The following TMEFF2 variants were observed in gnomAD, a reference collection of about 807,000 sequenced individuals.
TMEFF2 encodes tomoregulin-2.
Under a neutral mutation model 53.8 loss-of-function variants are expected in TMEFF2, and 28 were observed. The ratio of observed to expected loss-of-function variants is 0.52; its 90% confidence interval spans 0.39 to 0.71. The LOEUF (loss-of-function observed/expected upper bound fraction) is 0.71, where lower values mean the gene tolerates loss of function less well. Ranked by LOEUF, TMEFF2 falls within the 30% of genes least tolerant of loss-of-function variation. The pLI, the probability that TMEFF2 is intolerant of heterozygous loss-of-function variation, is 0.00. For synonymous variants in TMEFF2, 162 were observed against 166.3 expected, an observed-to-expected ratio of 0.97 and a Z score of 0.20; for missense variants, 353 against 455.2, an observed-to-expected ratio of 0.78 and a Z score of 2.04.
At chr2:192,114,739 T>C (rs1689360992) in intron 4 of TMEFF2, among the ~76,000 whole-genome samples, 1 of 151,938 alleles carries the variant, frequency 6.6e-6, no homozygotes, top group South Asian at 2.1e-4. Flanking sequence ...GTAAAAGTTC[T>C]ATATACTGAA....
At chr2:191,952,979 G>T (rs528143825) in intron 9 of TMEFF2, among the ~76,000 whole-genome samples, 2 of 152,256 alleles carry the variant, frequency 1.3e-5, no homozygotes, top group Admixed American at 6.5e-5. Flanking sequence ...TAAATGATAC[G>T]CATTTTGCTT....
At chr2:192,019,234 G>A (rs1303977135) in intron 5 of TMEFF2, among the ~76,000 whole-genome samples, 2 of 150,988 alleles carry the variant, frequency 1.3e-5, no homozygotes, top group Non-Finnish European at 3.0e-5. Flanking sequence ...TTTTTAACTT[G>A]TACTATCAGA....
At chr2:191,959,506 G>A (rs1692208171) in intron 7 of TMEFF2, among the ~76,000 whole-genome samples, 1 of 152,208 alleles carries the variant, frequency 6.6e-6, no homozygotes, top group South Asian at 2.1e-4. Flanking sequence ...TAAAGAGACA[G>A]AGAATGGCAA....
At chr2:191,993,415 T>G (rs1686151159) in intron 7 of TMEFF2, among the ~76,000 whole-genome samples, 1 of 151,962 alleles carries the variant, frequency 6.6e-6, no homozygotes, top group Admixed American at 6.6e-5. Flanking sequence ...GTTCAACAAG[T>G]AAACACAGGA....
At chr2:192,164,978 CTGTGTGTGTGTG>C (rs71033662) in intron 4 of TMEFF2, among the ~76,000 whole-genome samples, 1 of 145,112 alleles carries the variant, frequency 6.9e-6, no homozygotes, top group Non-Finnish European at 1.5e-5. Flanking sequence ...TGAATAAAAA[CTGTGTGTGTGTG>C]TGTGTGTGTG....
At chr2:191,964,477 A>C (rs1692415026) in intron 7 of TMEFF2, among the ~76,000 whole-genome samples, 1 of 148,054 alleles carries the variant, frequency 6.8e-6, no homozygotes, top group Non-Finnish European at 1.5e-5. Context: ...CCAATCCCTC[A>C]TGAATCTCAA....
intron 4 of TMEFF2, among the ~76,000 whole-genome samples, chr2:192,067,748 A>C (rs568352388): frequency 9.9e-5 from 15 of 152,012 alleles, no homozygotes; most frequent in Admixed American, 2.6e-4. Flanking sequence ...TTGCCAATTG[A>C]GTTAACTTTA....
chr2:192,140,648 G>A (rs1425260063), intron 4 of TMEFF2, among the ~76,000 whole-genome samples: 1 of 152,052 alleles, frequency 6.6e-6, no homozygotes, highest in Non-Finnish European at 1.5e-5. Flanking sequence ...TGCTGAGGGT[G>A]AGCACCGTAT....
rs953586369 is a variant in TMEFF2, at chr2:192,103,967, G to A, written c.440-46192C>T. 3.3e-5 allele frequency among the ~76,000 whole-genome samples: 5 copies of A among 151,884 alleles called. 1 individual carries two copies. The highest frequency in any genetic ancestry group is 1.2e-4 in the African/African-American group (5 of 41,356). ...CTTTGGCATTTACTCTGAGCAAGAT[G>A]GAAAAGCCACCGGGAGTTTTGAGAG... On this transcript the variant is annotated intron_variant, in intron 4 of 9. Coordinates refer to ENST00000272771, the MANE Select transcript of TMEFF2 (RefSeq NM_016192.4).
rs895652404 is a variant in TMEFF2, at chr2:192,131,518, C to T, written c.439+48150G>A. Among the ~76,000 whole-genome samples, 19 of 152,206 alleles carry T rather than the reference C, an allele frequency of 1.2e-4. 1 individual carries two copies. The highest frequency in any genetic ancestry group is 6.8e-3 in the Middle Eastern group (2 of 294). ...CCCCCAATCCCTTATTTCCGCACCCCGACCTCTTATCTCTGTGCCCCAATC... is the reference window on the plus strand; with the variant it reads ...CCCCCAATCCCTTATTTCCGCACCCTGACCTCTTATCTCTGTGCCCCAATC... On this transcript the variant is annotated intron_variant, in intron 4 of 9. Transcript: ENST00000272771.
chr2:191,955,539 T>TTTTTTTTTTTA (rs1692052495), intron 8 of TMEFF2, among the ~76,000 whole-genome samples: 1 of 137,484 alleles, frequency 7.3e-6, no homozygotes, highest in Non-Finnish European at 1.6e-5. Flanking sequence ...TTTTTTTTTT[T>TTTTTTTTTTTA]TTTTTTTTTA....
At chr2:192,041,359 T>C (rs965809471) in intron 5 of TMEFF2, among the ~76,000 whole-genome samples, 2 of 152,070 alleles carry the variant, frequency 1.3e-5, no homozygotes, top group African/African-American at 4.8e-5. Context: ...AATATACAAA[T>C]AAAAAGAGAC....
intron 4 of TMEFF2, among the ~76,000 whole-genome samples, chr2:192,074,578 C>T (rs574085192): frequency 2.7e-3 from 412 of 151,910 alleles, no homozygotes; most frequent in Non-Finnish European, 4.9e-3. Context: ...TTTTCCAACA[C>T]GGAAGCTAGT....
intron 4 of TMEFF2, among the ~76,000 whole-genome samples, chr2:192,069,529 C>CA (rs570530572): frequency 1.9e-4 from 29 of 150,470 alleles, no homozygotes; most frequent in East Asian, 1.8e-3. Context: ...GAAAACAAAC[C>CA]AAAAAAAACC....
intron 5 of TMEFF2, among the ~76,000 whole-genome samples, chr2:192,021,323 T>TC (rs1326872980): frequency 2.0e-5 from 3 of 151,962 alleles, no homozygotes; most frequent in African/African-American, 7.3e-5. Context: ...GAGTACTTTC[T>TC]CCCTTTAGAT....
intron 7 of TMEFF2, among the ~76,000 whole-genome samples, chr2:191,983,922 ATTGT>A (rs1685915303): frequency 2.0e-5 from 3 of 152,198 alleles, no homozygotes; most frequent in South Asian, 2.1e-4. Context: ...CAAGAATAAT[ATTGT>A]TTGTTCAGCT....
At chr2:192,141,200 C>A (rs771158063) in intron 4 of TMEFF2, among the ~76,000 whole-genome samples, 14 of 152,060 alleles carry the variant, frequency 9.2e-5, no homozygotes, top group Non-Finnish European at 1.9e-4. Flanking sequence ...CGGCTATAAT[C>A]CTAGCACTCT....
At chr2:192,038,341 A>G (rs1210366354) in intron 5 of TMEFF2, among the ~76,000 whole-genome samples, 2 of 152,204 alleles carry the variant, frequency 1.3e-5, no homozygotes, top group African/African-American at 2.4e-5. Flanking sequence ...CTAATAGTAC[A>G]TAACTTGTAC....
chr2:191,999,762 G>C (rs539476966), intron 5 of TMEFF2, among the ~76,000 whole-genome samples: 4 of 151,834 alleles, frequency 2.6e-5, no homozygotes, highest in Admixed American at 2.6e-4. Context: ...TAACATTTTG[G>C]GGGGGCCACA....
Sources: allele counts gnomAD v4.1 joint callset (sites outside exome capture counted in the v4.1 genomes callset), GRCh38; gene constraint gnomAD v4.1.1; transcripts MANE v1.5; gene names NCBI Gene and HGNC (gene_info 2026-07-23, HGNC 2026-07-21).